The following ADGRB3 variants were observed in gnomAD, a reference collection of about 807,000 sequenced individuals.
ADGRB3 encodes the protein brain-specific angiogenesis inhibitor 3.
In ADGRB3, 37 loss-of-function variants were observed where a neutral mutation model predicts 193.4. The ratio of observed to expected loss-of-function variants is 0.19; its 90% CI spans 0.15 to 0.25. ADGRB3 has a LOEUF of 0.25. Among genes scored for constraint, ADGRB3 ranks in the 10% least tolerant of loss-of-function variants. ADGRB3 has a pLI of 1.00. For synonymous variants in ADGRB3, 690 were observed against 644.2 expected (o/e 1.07, Z -1.08); for missense variants, 1,637 against 1,852.9 (o/e 0.88, Z 2.14).
intron 17 of ADGRB3, among the ~76,000 whole-genome samples, chr6:69,190,309 A>T (rs2150354540): frequency 6.6e-6 from 1 of 152,220 alleles, no homozygotes; most frequent in African/African-American, 2.4e-5. Flanking sequence ...AGGCAGTAAT[A>T]CTGACGATCC....
intron 3 of ADGRB3, among the ~76,000 whole-genome samples, chr6:68,871,045 C>T (rs1241603542): frequency 6.6e-6 from 1 of 151,986 alleles, no homozygotes; most frequent in Non-Finnish European, 1.5e-5. Context: ...GTAAACTTAC[C>T]CTTCTCTTGG....
chr6:69,215,812 G>T (rs1020749250), intron 17 of ADGRB3, among the ~76,000 whole-genome samples: 4 of 152,204 alleles, frequency 2.6e-5, no homozygotes, highest in African/African-American at 9.6e-5. Context: ...TGGCTTGTTA[G>T]AGGAGGAGAA....
At chr6:69,003,328 CT>C (rs1260879560) in intron 11 of ADGRB3, among the ~76,000 whole-genome samples, 1 of 151,946 alleles carries the variant, frequency 6.6e-6, no homozygotes, top group Non-Finnish European at 1.5e-5. Flanking sequence ...GTGGGCACTG[CT>C]TTTTTTATTT....
At chr6:69,071,211 A>G (rs1772069651) in intron 16 of ADGRB3, among the ~76,000 whole-genome samples, 1 of 152,222 alleles carries the variant, frequency 6.6e-6, no homozygotes. Flanking sequence ...TGAGGGTAAT[A>G]TAACATAGTT....
At chr6:68,969,019 G>C (rs1315082654) in intron 8 of ADGRB3, among the ~76,000 whole-genome samples, 1 of 151,884 alleles carries the variant, frequency 6.6e-6, no homozygotes, top group Non-Finnish European at 1.5e-5. Context: ...GACAGTGCTG[G>C]TATGTTATTT....
At chr6:68,764,345 T>C (rs967579464) in intron 3 of ADGRB3, among the ~76,000 whole-genome samples, 3 of 152,036 alleles carry the variant, frequency 2.0e-5, no homozygotes, top group African/African-American at 7.2e-5. Context: ...ATGACTACTA[T>C]AAAAAATGAA....
intron 3 of ADGRB3, among the ~76,000 whole-genome samples, chr6:68,800,620 G>A (rs923922258): frequency 3.9e-5 from 6 of 152,132 alleles, no homozygotes. Flanking sequence ...AATCCTATCT[G>A]TGAATTTCAG....
intron 8 of ADGRB3, among the ~76,000 whole-genome samples, chr6:68,970,316 G>A (rs1768521910): frequency 6.8e-6 from 1 of 147,638 alleles, no homozygotes; most frequent in African/African-American, 2.5e-5. Flanking sequence ...ATGGAATCTT[G>A]ATCTGTCACC....
At chr6:68,698,018 C>T (rs1433572841) in intron 3 of ADGRB3, among the ~76,000 whole-genome samples, 2 of 151,476 alleles carry the variant, frequency 1.3e-5, no homozygotes, top group Non-Finnish European at 2.9e-5. Context: ...ATATAAGATA[C>T]ATAGCTAGAT....
chr6:68,831,091 C>A (rs1237389217), intron 3 of ADGRB3, among the ~76,000 whole-genome samples: 1 of 151,708 alleles, frequency 6.6e-6, no homozygotes, highest in Non-Finnish European at 1.5e-5. Flanking sequence ...TGGGAAACTC[C>A]TGCAATAATC....
At chr6:68,860,747 G>A (rs184550412) in intron 3 of ADGRB3, among the ~76,000 whole-genome samples, 2 of 152,166 alleles carry the variant, frequency 1.3e-5, no homozygotes, top group East Asian at 3.9e-4. Context: ...TTTTTTTCCT[G>A]TGGGGAGATA....
chr6:69,040,638 T>A (rs1771027966), intron 13 of ADGRB3, among the ~76,000 whole-genome samples: 1 of 109,960 alleles, frequency 9.1e-6, no homozygotes. Flanking sequence ...TGTGCCCCAC[T>A]ACCCAGAGAT....
At chr6:68,683,976 C>T (rs1460079192) in intron 3 of ADGRB3, among the ~76,000 whole-genome samples, 2 of 152,118 alleles carry the variant, frequency 1.3e-5, no homozygotes, top group East Asian at 3.9e-4. Flanking sequence ...TGCTTCTCAG[C>T]TCCTCATGAC....
intron 20 of ADGRB3, among the ~76,000 whole-genome samples, chr6:69,256,648 A>C (rs1037701167): frequency 9.8e-5 from 15 of 152,302 alleles, no homozygotes; most frequent in South Asian, 4.1e-4. Flanking sequence ...GTCGTCTGCA[A>C]ACAGGGACAA....
intron 4 of ADGRB3, among the ~76,000 whole-genome samples, chr6:68,933,664 CA>C (rs1267877369): frequency 6.6e-6 from 1 of 152,132 alleles, no homozygotes; most frequent in Non-Finnish European, 1.5e-5. Context: ...AAGATAATAG[CA>C]AAAGTTTATA....
intron 13 of ADGRB3, among the ~76,000 whole-genome samples, chr6:69,022,219 T>A (rs995848347): frequency 6.6e-6 from 1 of 151,654 alleles, no homozygotes; most frequent in African/African-American, 2.4e-5. Context: ...TGCCTCTTTT[T>A]AAAAAAAATT....
intron 30 of ADGRB3, among the ~76,000 whole-genome samples, chr6:69,379,691 A>G (rs1489258651): frequency 1.3e-5 from 2 of 152,024 alleles, no homozygotes; most frequent in Non-Finnish European, 2.9e-5. Context: ...AACTGAGTTC[A>G]TGTCAGAGAC....
intron 3 of ADGRB3, among the ~76,000 whole-genome samples, chr6:68,737,085 A>G (rs1375353118): frequency 1.3e-5 from 2 of 152,140 alleles, no homozygotes; most frequent in Non-Finnish European, 2.9e-5. Flanking sequence ...GGTCATTTTT[A>G]GTAATGTTCC....
chr6:68,892,698 T>A (rs766422482), intron 3 of ADGRB3, among the ~76,000 whole-genome samples: 3 of 152,110 alleles, frequency 2.0e-5, no homozygotes, highest in Non-Finnish European at 4.4e-5. Flanking sequence ...AATACGAATA[T>A]GTAACTACTA....
Sources: allele counts gnomAD v4.1 joint callset (sites outside exome capture counted in the v4.1 genomes callset), GRCh38; gene constraint gnomAD v4.1.1; transcripts MANE v1.5; gene names NCBI Gene and HGNC (gene_info 2026-07-23, HGNC 2026-07-21).